IKBKB: variants seen among roughly 807,000 people sequenced by gnomAD.
IKBKB encodes inhibitor of nuclear factor kappa B kinase subunit beta.
Under a neutral mutation model 113.6 loss-of-function variants are expected in IKBKB, and 42 were observed. That is an observed-to-expected ratio of 0.37 (90% confidence interval 0.29 to 0.48). The LOEUF (loss-of-function observed/expected upper bound fraction) is 0.48. IKBKB is among the 20% of genes least tolerant of loss of function. IKBKB has a pLI of 0.99. For missense variants in IKBKB, 673 were observed against 939.7 expected, an observed-to-expected ratio of 0.72 and a Z score of 3.71; for synonymous variants, 296 against 361.3, an observed-to-expected ratio of 0.82 and a Z score of 2.05.
Position 42,305,249 on chromosome 8 carries a change from A to G in IKBKB, c.451A>G (p.Ile151Val), listed in dbSNP as rs1563334909. The G allele has an allele frequency of 1.2e-6, 2 of 1,613,356 alleles. No individual in the cohort carries two copies. Among genetic ancestry groups the G allele is most frequent in the Non-Finnish European group, 1.7e-6 (2 of 1,179,368 alleles). ...CCATCGGGATCTAAAGCCAGAAAAC[A>G]TCGTCCTGCAGCAAGGAGAACAGAG... is the stretch of plus-strand genomic sequence containing the variant. ...IIHRDLKPEN[I>V]VLQQGEQRLI... is the part of the protein sequence containing the mutation. The change falls in exon 6 of 22, where the codon ATC becomes GTC. Residue 151 changes from isoleucine to valine, a missense_variant. By Grantham distance (29) the Ile-to-Val change is conservative. Around this residue, in one of 2 missense-constraint regions of IKBKB, gnomAD observed 167 missense variants for 301.0 expected, o/e 0.55. Transcript: ENST00000520810.
At chr8:42,325,326 C>G (rs1051458408) in intron 19 of IKBKB, 4 of 985,500 alleles carry the variant, frequency 4.1e-6, no homozygotes, top group Admixed American at 6.2e-5. Flanking sequence ...ATTCCCATAG[C>G]CTTTGTGTGT....
At chr8:42,328,938 A>G (rs1266646242) in intron 20 of IKBKB, among the ~76,000 whole-genome samples, 186 bp from the exon 21 acceptor site, 1 of 152,230 alleles carries the variant, frequency 6.6e-6, no homozygotes, top group Non-Finnish European at 1.5e-5. Context: ...TCATATGTGG[A>G]AAGTGCATAA....
At position 42,316,601 on chromosome 8, in the gene IKBKB, C is replaced by T. The variant is rs1380725379; in HGVS notation, c.931-109C>T. 1.8e-6 allele frequency: 2 copies of T among 1,108,322 alleles called. No individual in the cohort carries two copies. Among genetic ancestry groups the T allele is most frequent in the African/African-American group, 3.1e-5 (2 of 63,920 alleles). 68.7% of individuals were successfully genotyped at this position (1,108,322 alleles called of 1,614,324 possible). On this transcript the variant is annotated intron_variant, in intron 10 of 21. Coordinates refer to ENST00000520810, the MANE Select transcript of IKBKB (RefSeq NM_001556.3). The surrounding 1 kb of genome is among the most constrained non-coding windows in gnomAD (Gnocchi z 4.5). ...CTCCCTCCCTCAAGCTAGGCCCTTG[C>T]TTTGTGTGGTTGGGAAATGTTGGGA...
chr8:42,306,530 C>A, intron 7 of IKBKB, 98 bp downstream of exon 7: 1 of 789,704 alleles, frequency 1.3e-6, no homozygotes, highest in Non-Finnish European at 2.2e-6. Context: ...TGAGTCCCAC[C>A]GGCTCTCTGA....
Position 42,331,922 on chromosome 8 carries a change from T to C in IKBKB, c.*943T>C, listed in dbSNP as rs10108113. Reference sequence around the variant, plus strand: ...TTCATTTTAAAAATAGCTCCTATATTTTGTAACATGTCTCAAACACTCATA... The same window carrying C: ...TTCATTTTAAAAATAGCTCCTATATCTTGTAACATGTCTCAAACACTCATA... On this transcript the variant is annotated 3_prime_UTR_variant, in exon 22 of 22. Transcript: ENST00000520810. 1,925 of 166,622 alleles carry C rather than the reference T, an allele frequency of 0.012. 42 individuals are homozygous for C. Among genetic ancestry groups the C allele is most frequent in the African/African-American group, 0.044 (1,818 of 41,718 alleles). 10.3% of individuals were successfully genotyped at this position (166,622 alleles called of 1,614,324 possible). A position where few individuals can be genotyped will look rare whatever the true frequency, so the allele number is the denominator to read the frequency against.
chr8:42,316,356 G>C lies in IKBKB; in HGVS notation c.930+17G>C, dbSNP rs1818683486. ...AACTTAAAGGTGAGTGTGGAGCCAA[G>C]TTAGCCCTGAGGCAAAAGCTGGGGT... On this transcript the variant is annotated intron_variant, in intron 10 of 21. Coordinates refer to ENST00000520810, the MANE Select transcript of IKBKB (RefSeq NM_001556.3). This position sits in a 1 kb window ranked among gnomAD's most constrained non-coding sequence, Gnocchi z 4.5. The C allele has an allele frequency of 1.9e-6, 3 of 1,614,044 alleles. No individual in the cohort carries two copies. In the East Asian group the frequency reaches 6.7e-5, roughly 36 times the overall value.
chr8:42,289,043 C>T (rs999117828), intron 3 of IKBKB, among the ~76,000 whole-genome samples: 7 of 152,126 alleles, frequency 4.6e-5, no homozygotes, highest in East Asian at 1.9e-4. Context: ...AAGGAAACCC[C>T]GTCTCTACTA....
intron 8 of IKBKB, among the ~76,000 whole-genome samples, chr8:42,309,254 A>G (rs761129293): frequency 1.6e-4 from 25 of 152,324 alleles, no homozygotes; most frequent in Non-Finnish European, 2.6e-4. Context: ...CTGAGCCTTC[A>G]CATCTTTAAA....
In IKBKB at chr8:42,306,325, T is replaced by C. The variant is rs775565191; in HGVS notation, c.478-18T>C. On this transcript the variant is annotated intron_variant, in intron 6 of 21. Coordinates refer to ENST00000520810, the MANE Select transcript of IKBKB (RefSeq NM_001556.3). Reference sequence around the variant, plus strand: ...TGTGTTCTTATAACCCTCAGCTTTCTCCTTCCTTTTGTTTTAGTTAATACA... The same window carrying C: ...TGTGTTCTTATAACCCTCAGCTTTCCCCTTCCTTTTGTTTTAGTTAATACA... 6.0e-6 allele frequency: 9 copies of C among 1,495,672 alleles called. No homozygotes were observed. The highest frequency in any genetic ancestry group is 5.0e-5 in the Admixed American group (3 of 59,830). The allele number at this position is 1,495,672 out of a possible 1,614,324, so 92.7% of individuals were successfully genotyped here. A position where few individuals can be genotyped will look rare whatever the true frequency, so the allele number is the denominator to read the frequency against.
intron 19 of IKBKB, chr8:42,325,333 G>A: frequency 1.0e-6 from 1 of 985,732 alleles, no homozygotes; most frequent in African/African-American, 1.7e-5. Context: ...TAGCCTTTGT[G>A]TGTGTGTCTG....
intron 5 of IKBKB, among the ~76,000 whole-genome samples, chr8:42,300,239 G>A (rs1814895626): frequency 6.6e-6 from 1 of 152,154 alleles, no homozygotes; most frequent in South Asian, 2.1e-4. Flanking sequence ...CAGTGACATT[G>A]AAGTGGCTGG....
intron 5 of IKBKB, among the ~76,000 whole-genome samples, chr8:42,294,261 G>A (rs1224310277): frequency 6.6e-6 from 1 of 152,212 alleles, no homozygotes; most frequent in Admixed American, 6.5e-5. Flanking sequence ...TCCAGATTTG[G>A]AGAATGATGC....
intron 2 of IKBKB, among the ~76,000 whole-genome samples, chr8:42,277,519 C>G (rs1809428108): frequency 6.6e-6 from 1 of 152,110 alleles, no homozygotes; most frequent in Non-Finnish European, 1.5e-5. Flanking sequence ...CAAAAGCCAG[C>G]TTCCTCCTCC....
intron 5 of IKBKB, among the ~76,000 whole-genome samples, chr8:42,296,360 G>A (rs768583494): frequency 6.6e-6 from 1 of 152,108 alleles, no homozygotes; most frequent in Non-Finnish European, 1.5e-5. Context: ...GGCCAGACGC[G>A]GTGGCTCACG....
chr8:42,327,689 A>G (rs1291757769), intron 20 of IKBKB, among the ~76,000 whole-genome samples: 1 of 132,254 alleles, frequency 7.6e-6, no homozygotes, highest in African/African-American at 2.9e-5. Flanking sequence ...CTGGAGTGCT[A>G]TGGCACGATC....
At chr8:42,320,937 G>A (rs898099071) in intron 16 of IKBKB, 93 bp downstream of exon 16, 1 of 705,802 alleles carries the variant, frequency 1.4e-6, no homozygotes, top group African/African-American at 1.8e-5. Flanking sequence ...CAGTGGCTGT[G>A]CGGGACCATT....
intron 20 of IKBKB, 47 bp downstream of exon 20, chr8:42,326,144 A>G (rs1449578334): frequency 1.2e-6 from 2 of 1,609,680 alleles, no homozygotes; most frequent in Non-Finnish European, 8.5e-7. Context: ...AGGGCACGTC[A>G]GGAGATCGGG....
At chr8:42,313,802 G>A (rs1818174639) in intron 8 of IKBKB, among the ~76,000 whole-genome samples, 1 of 152,192 alleles carries the variant, frequency 6.6e-6, no homozygotes, top group Non-Finnish European at 1.5e-5. Context: ...ACTCATCCAG[G>A]CAGTCCTGAC....
rs200975481 is a variant in IKBKB at position 42,332,207 on chromosome 8, A to G, written c.*1228A>G. The G allele has an allele frequency of 1.3e-5, 2 of 152,272 alleles. No homozygotes were observed. The highest frequency in any genetic ancestry group is 2.9e-5 in the Non-Finnish European group (2 of 68,070). The allele number at this position is 152,272 out of a possible 1,614,324, so 9.4% of individuals were successfully genotyped here. A position where few individuals can be genotyped will look rare whatever the true frequency, so the allele number is the denominator to read the frequency against. On this transcript the variant is annotated 3_prime_UTR_variant, in exon 22 of 22. Coordinates refer to ENST00000520810, the MANE Select transcript of IKBKB (RefSeq NM_001556.3). The stretch of plus-strand genomic sequence containing the variant: ...AGTGGTTTCCATGGAGATAGAATGA[A>G]GCATTCTGTGGTCAAGTAAGTTTAG...
Sources: allele counts gnomAD v4.1 joint callset (sites outside exome capture counted in the v4.1 genomes callset), GRCh38; gene constraint gnomAD v4.1.1; regional missense constraint gnomAD v4.1.1; non-coding constraint Gnocchi (gnomAD v3.1); transcripts MANE v1.5; gene names NCBI Gene and HGNC (gene_info 2026-07-23, HGNC 2026-07-21).